MSR1: variants seen among roughly 807,000 people sequenced by gnomAD.
The protein encoded by MSR1 is macrophage scavenger receptor 1, also known as macrophage scavenger receptor types I and II.
Under a neutral mutation model 47.2 loss-of-function variants are expected in MSR1, and 53 were observed. The observed-to-expected ratio is 1.12, with a 90% confidence interval of 0.90 to 1.41. MSR1 has a LOEUF of 1.41. Among genes scored for constraint, MSR1 ranks in the 40% most tolerant of loss-of-function variants. MSR1 has a pLI of 0.00. For missense variants in MSR1, 786 were observed against 546.9 expected (o/e 1.44, Z -4.36); for synonymous variants, 239 against 185.6 (o/e 1.29, Z -2.34).
At chr8:16,113,439 T>C (rs982871256) in intron 9 of MSR1, among the ~76,000 whole-genome samples, 1 of 152,174 alleles carries the variant, frequency 6.6e-6, no homozygotes, top group African/African-American at 2.4e-5. Context: ...ATATCATTAA[T>C]AGTTAAAAGT....
rs34992784 is a variant in MSR1, at chr8:16,119,180, G to T, written c.1222+1238C>A. ...TTAAATTATCCTTCTGGGACCTAAA[G>T]ACTCTAGAACCTGAGACTTCTGCTT... On this transcript the variant is annotated intron_variant, in intron 9 of 9. Coordinates refer to ENST00000262101, the MANE Select transcript of MSR1 (RefSeq NM_138715.3). Among the ~76,000 whole-genome samples, 272 of 152,202 alleles carry T rather than the reference G, an allele frequency of 1.8e-3. 1 individual carries two copies. The highest frequency in any genetic ancestry group is 4.3e-3 in the Admixed American group (65 of 15,284).
chr8:16,142,212 C>A (rs1353755759), intron 8 of MSR1, among the ~76,000 whole-genome samples: 1 of 152,058 alleles, frequency 6.6e-6, no homozygotes, highest in Non-Finnish European at 1.5e-5. Flanking sequence ...CCTGTAATCC[C>A]AGCTACTCAG....
At chr8:16,181,315 T>G (rs1228303104) in intron 1 of MSR1, among the ~76,000 whole-genome samples, 2 of 152,084 alleles carry the variant, frequency 1.3e-5, no homozygotes, top group Non-Finnish European at 2.9e-5. Context: ...CCACCAACAG[T>G]GTAAAAGCAT....
intron 1 of MSR1, among the ~76,000 whole-genome samples, chr8:16,180,082 C>T (rs571959925): frequency 2.8e-5 from 4 of 142,222 alleles, no homozygotes; most frequent in East Asian, 2.6e-4. Context: ...CCATTGTACC[C>T]GGTCTCTCTC....
Position 16,168,828 on chromosome 8 carries a change from G to T in MSR1, c.260C>A (p.Ser87Ter), listed in dbSNP as rs769608199. Residue 87 changes from serine (S) to a stop codon, truncating the protein, a stop_gained, in exon 4 of 10, where the codon TCA (serine) becomes TAA (stop). Coordinates refer to ENST00000262101, the MANE Select transcript of MSR1 (RefSeq NM_138715.3). LOFTEE classifies it high-confidence loss of function. ...KWETKNCSVS[S>*]TNANDITQSL... ...TTGAGTTATATCATTTGCATTAGTT[G>T]AACTAACTGAGCAATTCTTCGTTTC... The T allele has an allele frequency of 6.2e-7, 1 of 1,613,686 alleles. No homozygotes were observed. The highest frequency in any genetic ancestry group is 2.2e-5 in the East Asian group (1 of 44,858).
intron 9 of MSR1, among the ~76,000 whole-genome samples, chr8:16,117,855 A>C (rs1799911666): frequency 6.6e-6 from 1 of 152,116 alleles, no homozygotes; most frequent in Non-Finnish European, 1.5e-5. Flanking sequence ...CATCATAATA[A>C]GTTGTATAAT....
chr8:16,159,729 T>A (rs973427319), intron 5 of MSR1, among the ~76,000 whole-genome samples: 4 of 151,908 alleles, frequency 2.6e-5, no homozygotes, highest in African/African-American at 9.7e-5. Context: ...ATGAGATACT[T>A]TTATACATAA....
intron 5 of MSR1, among the ~76,000 whole-genome samples, chr8:16,163,032 AT>A (rs1563159814): frequency 6.6e-6 from 1 of 152,052 alleles, no homozygotes; most frequent in Non-Finnish European, 1.5e-5. Context: ...TTCCTTGTGT[AT>A]TTTAGGATGA....
At chr8:16,118,558 A>C (rs1285919634) in intron 9 of MSR1, among the ~76,000 whole-genome samples, 1 of 152,148 alleles carries the variant, frequency 6.6e-6, no homozygotes, top group Admixed American at 6.5e-5. Flanking sequence ...GCATGCTGGT[A>C]GTCGCAGCTT....
At chr8:16,191,866 T>A (rs562683961) in intron 1 of MSR1, among the ~76,000 whole-genome samples, 10 of 152,190 alleles carry the variant, frequency 6.6e-5, no homozygotes, top group Non-Finnish European at 1.5e-4. Flanking sequence ...ATTTCTAGCA[T>A]CTCCATGAAG....
At chr8:16,180,984 A>G (rs988608309) in intron 1 of MSR1, among the ~76,000 whole-genome samples, 1 of 152,138 alleles carries the variant, frequency 6.6e-6, no homozygotes, top group Admixed American at 6.6e-5. Context: ...ATAAATAAAC[A>G]ATTATCTGGG....
intron 7 of MSR1, among the ~76,000 whole-genome samples, chr8:16,146,430 C>T (rs962156816): frequency 1.3e-5 from 2 of 152,076 alleles, no homozygotes; most frequent in African/African-American, 4.8e-5. Flanking sequence ...CTTCCTCCTC[C>T]TCTGCATAGT....
intron 8 of MSR1, among the ~76,000 whole-genome samples, chr8:16,135,777 T>C (rs1262071311): frequency 1.3e-5 from 2 of 152,102 alleles, no homozygotes; most frequent in African/African-American, 4.8e-5. Context: ...AAGGTCAAAG[T>C]ATTGAGGTTA....
At chr8:16,184,990 C>A (rs1368212486) in intron 1 of MSR1, among the ~76,000 whole-genome samples, 1 of 151,810 alleles carries the variant, frequency 6.6e-6, no homozygotes, top group Non-Finnish European at 1.5e-5. Context: ...GTGTAGTGGG[C>A]CAGAAGGGAG....
chr8:16,189,301 CATAT>C (rs577357652), intron 1 of MSR1, among the ~76,000 whole-genome samples: 20 of 90,620 alleles, frequency 2.2e-4, no homozygotes, highest in Non-Finnish European at 2.4e-4. Flanking sequence ...ATTTACATTT[CATAT>C]ATATATAAAA....
At chr8:16,152,404 A>ATTAATAAATAC (rs1292687230) in intron 6 of MSR1, among the ~76,000 whole-genome samples, 1 of 152,116 alleles carries the variant, frequency 6.6e-6, no homozygotes, top group Non-Finnish European at 1.5e-5. Context: ...GTGGATATAA[A>ATTAATAAATAC]CATTAATAAA....
At chr8:16,129,404 C>T (rs75009981) in intron 8 of MSR1, among the ~76,000 whole-genome samples, 6,649 of 152,098 alleles carry the variant, frequency 0.044, 239 homozygotes, top group East Asian at 0.12. Flanking sequence ...TTCTTGGAGA[C>T]TCCATGTGAA....
intron 5 of MSR1, among the ~76,000 whole-genome samples, chr8:16,158,990 G>A (rs2117155489): frequency 8.7e-6 from 1 of 115,148 alleles, no homozygotes; most frequent in South Asian, 2.9e-4. Flanking sequence ...GGCTGGTCTT[G>A]AACTTCTGGG....
intron 1 of MSR1, among the ~76,000 whole-genome samples, chr8:16,187,468 T>A (rs1271693836): frequency 6.6e-6 from 1 of 151,476 alleles, no homozygotes; most frequent in East Asian, 1.9e-4. Context: ...CCCTTGGGGC[T>A]TTGTCTTCCC....
Sources: allele counts gnomAD v4.1 joint callset (sites outside exome capture counted in the v4.1 genomes callset), GRCh38; gene constraint gnomAD v4.1.1; transcripts MANE v1.5; gene names NCBI Gene and HGNC (gene_info 2026-07-23, HGNC 2026-07-21).